Variants in LINGO2 observed in about 807,000 individuals in gnomAD.
LINGO2 encodes leucine-rich repeat and immunoglobulin-like domain-containing nogo receptor-interacting protein 2.
A neutral mutation model predicts 30.6 loss-of-function variants in LINGO2; 14 were observed. That is an observed-to-expected ratio of 0.46 (90% CI 0.30 to 0.72). The LOEUF is 0.72. Among genes scored for constraint, LINGO2 ranks in the 30% least tolerant of loss-of-function variants. LINGO2 has a pLI of 0.07. For missense variants in LINGO2, 729 were observed against 751.7 expected, an observed-to-expected ratio of 0.97 and a Z score of 0.35; for synonymous variants, 317 against 288.5, an observed-to-expected ratio of 1.10 and a Z score of -1.00.
intron 3 of LINGO2, among the ~76,000 whole-genome samples, chr9:28,321,312 G>A (rs1825033250): frequency 6.6e-6 from 1 of 152,060 alleles, no homozygotes; most frequent in Non-Finnish European, 1.5e-5. Context: ...AGCCTCTATG[G>A]GATCATTCAG....
chr9:29,004,775 C>T, the LINGO2 span, among the ~76,000 whole-genome samples: 1 of 151,566 alleles, frequency 6.6e-6, no homozygotes, highest in Admixed American at 6.6e-5. Context: ...CACACACACA[C>T]AAAACATCAA....
chr9:28,888,806 G>A, the LINGO2 span: 2 of 512,652 alleles, frequency 3.9e-6, 1 homozygote, highest in South Asian at 3.0e-5. Flanking sequence ...GAACTTGGAG[G>A]AACTGACAAC....
chr9:28,366,815 A>T (rs1274297772), intron 3 of LINGO2, among the ~76,000 whole-genome samples: 1 of 152,090 alleles, frequency 6.6e-6, no homozygotes, highest in Non-Finnish European at 1.5e-5. Flanking sequence ...TAAAAAGCCA[A>T]GTAGTTCTAT....
chr9:28,664,461 G>A (rs908806813), intron 1 of LINGO2, among the ~76,000 whole-genome samples: 15 of 152,080 alleles, frequency 9.9e-5, no homozygotes, highest in Admixed American at 6.6e-5. Flanking sequence ...CAGATTGGAT[G>A]CCTTCAAGGG....
intron 4 of LINGO2, among the ~76,000 whole-genome samples, chr9:28,217,110 A>G (rs1395185009): frequency 2.7e-5 from 4 of 150,258 alleles, no homozygotes; most frequent in Non-Finnish European, 5.9e-5. Context: ...ATAATATGTA[A>G]TATACTAAAT....
chr9:28,687,031 G>C, the LINGO2 span, among the ~76,000 whole-genome samples: 1 of 152,014 alleles, frequency 6.6e-6, no homozygotes, highest in Non-Finnish European at 1.5e-5. Context: ...TTACATCATT[G>C]ACCATATTCA....
At chr9:29,165,159 T>C in the LINGO2 span, among the ~76,000 whole-genome samples, 1 of 152,296 alleles carries the variant, frequency 6.6e-6, no homozygotes, top group East Asian at 1.9e-4. Context: ...TTGCTCTTAA[T>C]GGGAAAACTT....
intron 1 of LINGO2, among the ~76,000 whole-genome samples, chr9:28,494,561 G>A (rs921212615): frequency 6.6e-6 from 1 of 152,030 alleles, no homozygotes; most frequent in Non-Finnish European, 1.5e-5. Context: ...CCTTTTTTAT[G>A]GCTGCATAAT....
the LINGO2 span, among the ~76,000 whole-genome samples, chr9:28,957,686 TG>T: frequency 4.1e-4 from 62 of 152,286 alleles, no homozygotes; most frequent in Middle Eastern, 6.8e-3. Flanking sequence ...TTCATGTTTT[TG>T]TTGTTTTGAT....
chr9:28,796,215 C>T, the LINGO2 span, among the ~76,000 whole-genome samples: 1 of 151,966 alleles, frequency 6.6e-6, no homozygotes, highest in African/African-American at 2.4e-5. Context: ...GATAGAGCTT[C>T]CAACAAAATA....
At chr9:28,919,564 A>C in the LINGO2 span, among the ~76,000 whole-genome samples, 1 of 152,186 alleles carries the variant, frequency 6.6e-6, no homozygotes, top group Admixed American at 6.6e-5. Context: ...TCTTTTGTGC[A>C]AAATGACCAC....
chr9:27,989,983 T>C (rs1821314168), intron 5 of LINGO2, among the ~76,000 whole-genome samples: 1 of 152,158 alleles, frequency 6.6e-6, no homozygotes, highest in South Asian at 2.1e-4. Flanking sequence ...TGGTTCCAGC[T>C]CTAGGAACCT....
intron 4 of LINGO2, among the ~76,000 whole-genome samples, chr9:28,163,939 T>C (rs1228783572): frequency 2.6e-5 from 4 of 152,192 alleles, no homozygotes; most frequent in African/African-American, 4.8e-5. Flanking sequence ...GGCCCTGGCT[T>C]GTAACATTGA....
rs1205557259 is a variant in LINGO2 at position 28,305,872 on chromosome 9, C to T, written c.-245-10506G>A. 2.6e-5 allele frequency among the ~76,000 whole-genome samples: 4 copies of T among 152,094 alleles called. No homozygotes were observed. In the East Asian group the frequency reaches 5.8e-4, roughly 22 times the overall value. On this transcript the variant is annotated intron_variant, in intron 3 of 5. Coordinates refer to ENST00000379992, the Ensembl canonical transcript of LINGO2. ...TGGCTCCTTGTCAAAGTCAGCCACA[C>T]TATATTTACATTTAAGAGATACACT...
At chr9:28,723,960 C>T in the LINGO2 span, among the ~76,000 whole-genome samples, 11 of 151,294 alleles carry the variant, frequency 7.3e-5, no homozygotes, top group African/African-American at 2.7e-4. Context: ...TCTTTTTTTT[C>T]CCAGTGACAA....
intron 2 of LINGO2, among the ~76,000 whole-genome samples, chr9:28,440,090 CCTTGTTTTTACACAGTGT>C (rs1403232617): frequency 6.6e-6 from 1 of 151,112 alleles, no homozygotes; most frequent in Non-Finnish European, 1.5e-5. Flanking sequence ...TAACTTAATA[CCTTGTTTTTACACAGTGT>C]CTTGTTTTTA....
chr9:28,120,640 G>C (rs1827068242), intron 4 of LINGO2, among the ~76,000 whole-genome samples: 2 of 152,136 alleles, frequency 1.3e-5, no homozygotes, highest in African/African-American at 4.8e-5. Context: ...GTTTTTACTT[G>C]ATGCAGCAAT....
At chr9:27,950,748 T>G in intron 5 of LINGO2, 42 bp from the exon 7 acceptor site, 1 of 1,212,726 alleles carries the variant, frequency 8.2e-7, no homozygotes, top group South Asian at 2.2e-5. Flanking sequence ...AGAAGGTGAG[T>G]TAGGATATAA....
chr9:27,960,863 T>C (rs57918705), intron 5 of LINGO2, among the ~76,000 whole-genome samples: 2,491 of 152,214 alleles, frequency 0.016, 57 homozygotes, highest in African/African-American at 0.056. Flanking sequence ...TTTCTTGCCT[T>C]ATTCTGATTT....
Sources: allele counts gnomAD v4.1 joint callset (sites outside exome capture counted in the v4.1 genomes callset), GRCh38; gene constraint gnomAD v4.1.1; transcripts MANE v1.5; gene names NCBI Gene and HGNC (gene_info 2026-07-23, HGNC 2026-07-21).